The following VWA5B1 variants were observed in gnomAD, a reference collection of about 807,000 sequenced individuals.
VWA5B1 encodes von Willebrand factor A domain containing 5B1, also known as von Willebrand factor A domain-containing protein 5B1.
Under a neutral mutation model 118.2 loss-of-function variants are expected in VWA5B1, and 115 were observed. That is an observed-to-expected ratio of 0.97 (90% CI 0.84 to 1.14). The LOEUF is 1.14. Among genes scored for constraint, VWA5B1 ranks in the 50% most tolerant of loss-of-function variants. The pLI is 0.00. For missense variants in VWA5B1, 1,596 were observed against 1,603.8 expected, an observed-to-expected ratio of 1.00 and a Z score of 0.08; for synonymous variants, 682 against 658.4, an observed-to-expected ratio of 1.04 and a Z score of -0.55.
At position 20,343,792 on chromosome 1, in the gene VWA5B1, C is replaced by G. The variant is rs1249270425; in HGVS notation, c.2626+399C>G. ...GTCCACTTCCCCCAGGACCCGCCCCCCCTCTCCCGTCGGCCTCCAGGACCC... is the reference window on the plus strand; with the variant it reads ...GTCCACTTCCCCCAGGACCCGCCCCGCCTCTCCCGTCGGCCTCCAGGACCC... On this transcript the variant is annotated intron_variant, in intron 16 of 21. Coordinates refer to ENST00000289815, the MANE Select transcript of VWA5B1 (RefSeq NM_001039500.3). 1.3e-4 allele frequency among the ~76,000 whole-genome samples: 6 copies of G among 47,922 alleles called. 1 individual carries two copies. Among genetic ancestry groups the G allele is most frequent in the Non-Finnish European group, 2.5e-4 (6 of 23,668 alleles). The allele number at this position is 47,922 out of a possible 152,430, so 31.4% of individuals were successfully genotyped here. A position where few individuals can be genotyped will look rare whatever the true frequency, so the allele number is the denominator to read the frequency against.
At chr1:20,302,113 G>A (rs1233267346) in intron 1 of VWA5B1, among the ~76,000 whole-genome samples, 1 of 152,028 alleles carries the variant, frequency 6.6e-6, no homozygotes, top group East Asian at 1.9e-4. Context: ...GTGGTGGCTT[G>A]GCCCCAGCCT....
intron 4 of VWA5B1, 31 bp downstream of exon 4, chr1:20,314,623 T>C: frequency 6.5e-7 from 1 of 1,543,788 alleles, no homozygotes; most frequent in East Asian, 2.5e-5. Context: ...CCAATCAGAG[T>C]CCCAGGTGGG....
chr1:20,341,798 A>C (rs2089881153), intron 14 of VWA5B1, among the ~76,000 whole-genome samples: 1 of 152,222 alleles, frequency 6.6e-6, no homozygotes, highest in African/African-American at 2.4e-5. Context: ...AAAGTCCATA[A>C]ATAAAACCAA....
chr1:20,342,450 C>T lies in VWA5B1; in HGVS notation c.2152C>T (p.Gln718Ter). ...IDLQPLLNSG[Q>*]DLNQGPKLRG... Reference sequence around the variant, plus strand: ...TCCCTAGCCCTTGCTGAACAGTGGTCAGGACCTGAACCAGGGCCCCAAACT... The same window carrying T: ...TCCCTAGCCCTTGCTGAACAGTGGTTAGGACCTGAACCAGGGCCCCAAACT... The change falls in exon 15 of 22, where the codon CAG becomes TAG. Residue 718 changes from glutamine to a stop codon, truncating the protein, a stop_gained. Coordinates refer to ENST00000289815, the MANE Select transcript of VWA5B1 (RefSeq NM_001039500.3). LOFTEE classifies it high-confidence loss of function. The T allele has an allele frequency of 6.4e-7, 1 of 1,551,184 alleles. No homozygotes were observed. Among genetic ancestry groups the T allele is most frequent in the South Asian group, 1.2e-5 (1 of 84,034 alleles).
chr1:20,350,366 AGGATT>A, intron 19 of VWA5B1, 136 bp downstream of exon 19: 1 of 974,290 alleles, frequency 1.0e-6, no homozygotes, highest in Non-Finnish European at 1.5e-6. Context: ...CATGGGGAAT[AGGATT>A]ATCCCCAATT....
chr1:20,315,401 G>C (rs1272851528), intron 4 of VWA5B1, among the ~76,000 whole-genome samples: 2 of 152,202 alleles, frequency 1.3e-5, no homozygotes, highest in Non-Finnish European at 2.9e-5. Flanking sequence ...AACATGACAA[G>C]CCCAGTACTT....
intron 20 of VWA5B1, among the ~76,000 whole-genome samples, 172 bp from the exon 21 acceptor site, chr1:20,351,883 A>G (rs139766144): frequency 3.9e-4 from 60 of 152,268 alleles, no homozygotes; most frequent in African/African-American, 1.3e-3. Flanking sequence ...TCATTGAGTG[A>G]CTTGGAGCAG....
chr1:20,354,298 G>T lies in VWA5B1; in HGVS notation c.*35G>T. On this transcript the variant is annotated 3_prime_UTR_variant, in exon 22 of 22. Coordinates refer to ENST00000289815, the MANE Select transcript of VWA5B1 (RefSeq NM_001039500.3). ...GGGGAGGCTGGGTGGAGGGAAGGGT[G>T]GGGAGGAGAGGGATGGGCAGGGCCA... 1 of 1,452,224 alleles carries T rather than the reference G, an allele frequency of 6.9e-7. No homozygotes were observed. The highest frequency in any genetic ancestry group is 9.3e-7 in the Non-Finnish European group (1 of 1,075,316). The allele number at this position is 1,452,224 out of a possible 1,614,324, so 90.0% of individuals were successfully genotyped here. A position where few individuals can be genotyped will look rare whatever the true frequency, so the allele number is the denominator to read the frequency against.
At chr1:20,340,930 CT>C (rs2089859297) in intron 14 of VWA5B1, among the ~76,000 whole-genome samples, 1 of 152,144 alleles carries the variant, frequency 6.6e-6, no homozygotes, top group Non-Finnish European at 1.5e-5. Flanking sequence ...TTTTAATTCA[CT>C]TTTTAAATAA....
At chr1:20,316,728 T>C (rs1228583652) in intron 4 of VWA5B1, among the ~76,000 whole-genome samples, 1 of 152,132 alleles carries the variant, frequency 6.6e-6, no homozygotes, top group Admixed American at 6.5e-5. Flanking sequence ...TGCAAAGTAT[T>C]GTCCCCATTT....
Position 20,354,232 on chromosome 1 carries a change from A to G in VWA5B1, c.3617A>G (p.Asn1206Ser), listed in dbSNP as rs904467803. ...CACTGGGATGAGAATCTCGAGTTCA[A>G]TATGCTCTGCTATAACCCGAATTAT... ...LRHWDENLEFNMLCYNPNYV is the reference protein window; with the variant it reads ...LRHWDENLEFSMLCYNPNYV The change falls in exon 22 of 22, where the codon AAT becomes AGT. Residue 1206 changes from asparagine to serine, a missense_variant. Coordinates refer to ENST00000289815, the MANE Select transcript of VWA5B1 (RefSeq NM_001039500.3). 11 of 1,549,066 alleles carry G rather than the reference A, an allele frequency of 7.1e-6. No individual in the cohort carries two copies. Among genetic ancestry groups the G allele is most frequent in the Non-Finnish European group, 9.6e-6 (11 of 1,146,138 alleles).
chr1:20,354,204 C>T lies in VWA5B1; in HGVS notation c.3589C>T (p.Arg1197Trp), dbSNP rs760089014. Residue 1197 changes from arginine (R) to tryptophan (W), a missense_variant, in exon 22 of 22, where the codon CGG becomes TGG. Physicochemically the swap from Arg to Trp is moderately radical, Grantham distance 101 (BLOSUM62 -3). Transcript: ENST00000289815. ...TGCCCGCCAGCTGTTTGTGCTTCTG[C>T]GGCACTGGGATGAGAATCTCGAGTT... Reference protein sequence around the residue: ...AAARQLFVLLRHWDENLEFNM... With the variant: ...AAARQLFVLLWHWDENLEFNM... 33 of 1,550,792 alleles carry T rather than the reference C, an allele frequency of 2.1e-5. No homozygotes were observed. Among genetic ancestry groups the T allele is most frequent in the Admixed American group, 2.0e-4 (10 of 50,958 alleles).
intron 9 of VWA5B1, among the ~76,000 whole-genome samples, chr1:20,329,550 C>G (rs962180670): frequency 2.4e-4 from 36 of 152,218 alleles, no homozygotes; most frequent in African/African-American, 8.7e-4. Flanking sequence ...CTCAAGTGAT[C>G]CACCTGCCTT....
chr1:20,352,017 G>A, intron 20 of VWA5B1, 38 bp from the exon 21 acceptor site: 1 of 1,517,888 alleles, frequency 6.6e-7, no homozygotes, highest in Non-Finnish European at 8.9e-7. Flanking sequence ...GGCACTGGAG[G>A]TTGGGATGCC....
intron 19 of VWA5B1, among the ~76,000 whole-genome samples, chr1:20,350,439 T>A (rs179471): frequency 0.48 from 73,490 of 152,032 alleles, 18,551 homozygotes; most frequent in East Asian, 0.91. Flanking sequence ...CACAGAGTAC[T>A]CTGGTGACAG....
In VWA5B1 at chr1:20,310,677, G is replaced by C; in HGVS notation, c.76G>C (p.Gly26Arg). ...GTCTGATGTTACCTCCTGTGTCAGC[G>C]GTTATGCCCTGGGCCTAACTGCCTC... ...TASDVTSCVS[G>R]YALGLTASLT... is the part of the protein sequence containing the mutation. The change falls in exon 2 of 22, where the codon GGT (glycine) becomes CGT (arginine). Residue 26 changes from glycine to arginine, a missense_variant. Transcript: ENST00000289815. 1.9e-6 allele frequency: 3 copies of C among 1,551,016 alleles called. No homozygotes were observed. Among genetic ancestry groups the C allele is most frequent in the East Asian group, 2.5e-5 (1 of 40,810 alleles).
intron 8 of VWA5B1, among the ~76,000 whole-genome samples, chr1:20,327,037 T>C (rs1462500905): frequency 2.6e-5 from 4 of 152,124 alleles, no homozygotes; most frequent in Non-Finnish European, 4.4e-5. Context: ...ATGATCATCA[T>C]CATCATCAAT....
chr1:20,341,562 AT>A (rs2089874668), intron 14 of VWA5B1, among the ~76,000 whole-genome samples: 1 of 152,174 alleles, frequency 6.6e-6, no homozygotes, highest in Non-Finnish European at 1.5e-5. Context: ...GAGGCTGAGA[AT>A]TTTTTCCTGG....
chr1:20,349,731 C>CTTTTT (rs35309990), intron 18 of VWA5B1, among the ~76,000 whole-genome samples: 3 of 111,782 alleles, frequency 2.7e-5, no homozygotes, highest in African/African-American at 7.2e-5. Flanking sequence ...ACATTCCTGA[C>CTTTTT]TTTTTTTTTT....
Sources: allele counts gnomAD v4.1 joint callset (sites outside exome capture counted in the v4.1 genomes callset), GRCh38; gene constraint gnomAD v4.1.1; transcripts MANE v1.5; gene names NCBI Gene and HGNC (gene_info 2026-07-23, HGNC 2026-07-21).